The following SMARCB1 variants were observed in gnomAD, a reference collection of about 807,000 sequenced individuals.
The protein encoded by SMARCB1 is SWI/SNF-related matrix-associated actin-dependent regulator of chromatin subfamily B member 1.
In SMARCB1, 5 loss-of-function variants were observed where a neutral mutation model predicts 49.0. That is an observed-to-expected ratio of 0.10 (90% confidence interval 0.05 to 0.21). The LOEUF is 0.21. SMARCB1 is among the 10% of genes least tolerant of loss of function. The pLI is 1.00. For synonymous variants in SMARCB1, 201 were observed against 200.1 expected (o/e 1.00, Z -0.04); for missense variants, 226 against 509.2 (o/e 0.44, Z 5.35).
chr22:23,800,183 T>A (rs557183179), intron 3 of SMARCB1, among the ~76,000 whole-genome samples: 3 of 152,234 alleles, frequency 2.0e-5, no homozygotes, highest in Non-Finnish European at 4.4e-5. Flanking sequence ...TCCAAAGTGC[T>A]GGAGCTACAG....
chr22:23,833,429 T>C lies in SMARCB1; in HGVS notation c.987-143T>C. ...GCCCTGGCGCCTCCAGCAGCTCCCTTGAGGTTCAGGTGACTGGAGCATCCA... is the reference window on the plus strand; with the variant it reads ...GCCCTGGCGCCTCCAGCAGCTCCCTCGAGGTTCAGGTGACTGGAGCATCCA... On this transcript the variant is annotated intron_variant, in intron 7 of 8. Transcript: ENST00000644036. 4.3e-6 allele frequency: 5 copies of C among 1,156,974 alleles called. No individual in the cohort carries two copies. The South Asian group carries it at 6.2e-5, about 14-fold the overall frequency. 71.7% of individuals were successfully genotyped at this position (1,156,974 alleles called of 1,614,324 possible). A position where few individuals can be genotyped will look rare whatever the true frequency, so the allele number is the denominator to read the frequency against.
chr22:23,803,314 G>T lies in SMARCB1; in HGVS notation c.520G>T (p.Ala174Ser), dbSNP rs746433763. The change falls in exon 5 of 9, where the codon GCT (alanine) becomes TCT (serine). Residue 174 changes from alanine to serine, a missense_variant. Transcript: ENST00000644036. ...FPLCFDDHDP[A>S]VIHENASQPE... ...TTTCAGCTTTGATGACCATGACCCA[G>T]CTGTGATCCATGAGAACGCATCTCA... 3.1e-6 allele frequency: 5 copies of T among 1,614,056 alleles called. No individual in the cohort carries two copies. In the African/African-American group the frequency reaches 6.7e-5, roughly 22 times the overall value.
At position 23,825,359 on chromosome 22, in the gene SMARCB1, C is replaced by T. The variant is rs963557868; in HGVS notation, c.930C>T (p.Thr310=). 6.2e-7 allele frequency: 1 copy of T among 1,614,118 alleles called. No homozygotes were observed. The highest frequency in any genetic ancestry group is 1.1e-5 in the South Asian group (1 of 91,084). ...GGTTGGGCGGGGAGTTTGTCACCAC[C>T]ATCGCATACAGCATCCGGGGACAGC... The part of the protein sequence containing the change: ...ELGLGGEFVT[T]IAYSIRGQLS... The change falls in exon 7 of 9, where the codon ACC becomes ACT. Residue 310 remains threonine (T), a synonymous_variant. Transcript: ENST00000644036.
At chr22:23,822,821 C>T (rs1234873965) in intron 6 of SMARCB1, among the ~76,000 whole-genome samples, 1 of 152,014 alleles carries the variant, frequency 6.6e-6, no homozygotes, top group African/African-American at 2.4e-5. Flanking sequence ...AGAAGCCTTC[C>T]TGGCCTCCTG....
chr22:23,817,772 CG>C (rs1264264427), intron 6 of SMARCB1: 1 of 152,140 alleles, frequency 6.6e-6, no homozygotes, highest in Non-Finnish European at 1.5e-5. Flanking sequence ...TGGAAAATAA[CG>C]TGGGGGAATC....
chr22:23,800,834 C>T, intron 3 of SMARCB1, 110 bp from the exon 4 acceptor site: 3 of 881,952 alleles, frequency 3.4e-6, no homozygotes, highest in Middle Eastern at 2.2e-4. Flanking sequence ...CCCATGGGAG[C>T]CTCGAGCCTG....
At position 23,837,735 on chromosome 22, in the gene SMARCB1, G is replaced by T; in HGVS notation, c.*3555G>T. 1.2e-6 allele frequency: 2 copies of T among 1,613,846 alleles called. No homozygotes were observed. Among genetic ancestry groups the T allele is most frequent in the Non-Finnish European group, 1.7e-6 (2 of 1,179,924 alleles). On this transcript the variant is annotated 3_prime_UTR_variant, in exon 9 of 9. Coordinates refer to ENST00000644036, the MANE Select transcript of SMARCB1 (RefSeq NM_003073.5). ...GCGCCCAAGGCAGGAACGGTGCCTGGAAAGTGAGCAGGCCGAAGAAGTTGA... is the reference window on the plus strand; with the variant it reads ...GCGCCCAAGGCAGGAACGGTGCCTGTAAAGTGAGCAGGCCGAAGAAGTTGA...
chr22:23,822,643 C>T (rs982234743), intron 6 of SMARCB1, among the ~76,000 whole-genome samples: 5 of 152,208 alleles, frequency 3.3e-5, no homozygotes, highest in African/African-American at 9.7e-5. Context: ...TACAGTCCCT[C>T]GCCACCCTCA....
At chr22:23,792,996 C>G (rs1011067947) in intron 2 of SMARCB1, 5 of 192,450 alleles carry the variant, frequency 2.6e-5, no homozygotes, top group Admixed American at 5.3e-5. Flanking sequence ...TGCCTAGAAT[C>G]TGTCCTGCTT....
rs56680899 is a variant in SMARCB1, at chr22:23,835,289, G to A, written c.*1109G>A. 0.014 allele frequency: 14,981 copies of A among 1,059,750 alleles called. 1,632 individuals are homozygous for A. The African/African-American group carries it at 0.23, about 16-fold the overall frequency. 65.6% of individuals were successfully genotyped at this position (1,059,750 alleles called of 1,614,324 possible). A position where few individuals can be genotyped will look rare whatever the true frequency, so the allele number is the denominator to read the frequency against. ...ACAGGATCTGGGAGGGCAGCAAACT[G>A]GCTCGCAGCTCCAGCCTTACTGAAG... On this transcript the variant is annotated 3_prime_UTR_variant, in exon 9 of 9. Transcript: ENST00000644036.
intron 1 of SMARCB1, among the ~76,000 whole-genome samples, chr22:23,790,804 A>G (rs1402817435): frequency 6.6e-6 from 1 of 152,194 alleles, no homozygotes; most frequent in Non-Finnish European, 1.5e-5. Context: ...GATCGATCGC[A>G]CCACTGCAAT....
intron 1 of SMARCB1, among the ~76,000 whole-genome samples, chr22:23,789,246 T>C (rs1928217133): frequency 6.6e-6 from 1 of 152,120 alleles, no homozygotes; most frequent in African/African-American, 2.4e-5. Flanking sequence ...GCTGGGGAGG[T>C]AGAGCCAGTG....
intron 1 of SMARCB1, among the ~76,000 whole-genome samples, chr22:23,787,731 T>G (rs1299333522): frequency 6.6e-6 from 1 of 152,174 alleles, no homozygotes; most frequent in African/African-American, 2.4e-5. Flanking sequence ...CCCATTGTGT[T>G]TGTTGCCTCT....
chr22:23,835,181 C>A lies in SMARCB1; in HGVS notation c.*1001C>A. 1.6e-6 allele frequency: 2 copies of A among 1,277,406 alleles called. No individual in the cohort carries two copies. The highest frequency in any genetic ancestry group is 2.0e-6 in the Non-Finnish European group (2 of 1,014,130). 79.1% of individuals were successfully genotyped at this position (1,277,406 alleles called of 1,614,324 possible). On this transcript the variant is annotated 3_prime_UTR_variant, in exon 9 of 9. Transcript: ENST00000644036. ...AGGGAGGAGACACAGCCCAGGGTCC[C>A]TTCCCAGCCCTGCCTCCAAGGAGTT...
intron 4 of SMARCB1, chr22:23,802,857 A>G (rs1049075737): frequency 3.0e-6 from 1 of 331,616 alleles, no homozygotes; most frequent in African/African-American, 2.2e-5. Context: ...ATCCCTGACC[A>G]CTGCTCCTCA....
rs35187210 is a variant in SMARCB1, at chr22:23,805,730, C to T, written c.628+2308C>T. Among the ~76,000 whole-genome samples, 41 of 152,296 alleles carry T rather than the reference C, an allele frequency of 2.7e-4. No individual in the cohort carries two copies. The East Asian group carries it at 4.3e-3, about 16-fold the overall frequency. On this transcript the variant is annotated intron_variant, in intron 5 of 8. Coordinates refer to ENST00000644036, the MANE Select transcript of SMARCB1 (RefSeq NM_003073.5). ...ATATTGGTCAAGCTGGTCTCAAACT[C>T]CTGACCTCAGGTGATCCGCCCGCCT...
intron 4 of SMARCB1, chr22:23,802,093 C>T (rs5760029): frequency 0.61 from 93,609 of 153,762 alleles, 31,224 homozygotes; most frequent in South Asian, 0.74. Flanking sequence ...CCTACCTCCC[C>T]TCCCTGCTGC....
rs1412819792 is a variant in SMARCB1, at chr22:23,836,578, C to T, written c.*2398C>T. On this transcript the variant is annotated 3_prime_UTR_variant, in exon 9 of 9. Coordinates refer to ENST00000644036, the MANE Select transcript of SMARCB1 (RefSeq NM_003073.5). ...CCTGGCAACCTGTGAGCTCAAAGCT[C>T]TGCCAGGCAACCATGGGCAGTTTCT... 1.6e-5 allele frequency: 18 copies of T among 1,139,414 alleles called. No homozygotes were observed. The Middle Eastern group carries it at 1.4e-3, about 91-fold the overall frequency. 70.6% of individuals were successfully genotyped at this position (1,139,414 alleles called of 1,614,324 possible).
chr22:23,818,412 C>G (rs1337365388), intron 6 of SMARCB1: 1 of 152,014 alleles, frequency 6.6e-6, no homozygotes, highest in African/African-American at 2.4e-5. Context: ...ACCTCGACCT[C>G]CCAGAGTGCT....
Sources: allele counts gnomAD v4.1 joint callset (sites outside exome capture counted in the v4.1 genomes callset), GRCh38; gene constraint gnomAD v4.1.1; transcripts MANE v1.5; gene names NCBI Gene and HGNC (gene_info 2026-07-23, HGNC 2026-07-21).